FLNB: variants seen among roughly 807,000 people sequenced by gnomAD.
FLNB encodes the protein filamin-B.
A neutral mutation model predicts 250.6 loss-of-function variants in FLNB; 111 were observed. That is an observed-to-expected ratio of 0.44 (90% CI 0.38 to 0.52). The LOEUF (loss-of-function observed/expected upper bound fraction) is 0.52, where lower values mean the gene tolerates loss of function less well. Ranked by LOEUF, FLNB falls within the 20% of genes least tolerant of loss-of-function variation. FLNB has a pLI of 0.00. For missense variants in FLNB, 2,869 were observed against 3,447.8 expected, an observed-to-expected ratio of 0.83 and a Z score of 4.20; for synonymous variants, 1,302 against 1,372.1, an observed-to-expected ratio of 0.95 and a Z score of 1.13.
intron 1 of FLNB, among the ~76,000 whole-genome samples, chr3:58,032,756 T>G (rs1338640095): frequency 6.6e-6 from 1 of 152,120 alleles, no homozygotes; most frequent in African/African-American, 2.4e-5. Flanking sequence ...TGAGCTCAGA[T>G]GGGTTTAATT....
At chr3:58,056,157 A>G (rs1321708012) in intron 1 of FLNB, among the ~76,000 whole-genome samples, 1 of 149,820 alleles carries the variant, frequency 6.7e-6, no homozygotes, top group Non-Finnish European at 1.5e-5. Flanking sequence ...GCTGAAGTGC[A>G]GTGGCATGAT....
intron 1 of FLNB, among the ~76,000 whole-genome samples, chr3:58,050,016 A>T (rs2097159839): frequency 6.8e-6 from 1 of 147,140 alleles, no homozygotes; most frequent in Admixed American, 7.0e-5. Context: ...AGAAATAGAA[A>T]ATGCCTTTTT....
chr3:58,066,882 C>T (rs895819434), intron 1 of FLNB, among the ~76,000 whole-genome samples: 2 of 152,116 alleles, frequency 1.3e-5, no homozygotes, highest in African/African-American at 4.8e-5. Context: ...CCCAAAATAA[C>T]AATAAGGTAT....
At chr3:58,115,776 G>A (rs1343519770) in intron 18 of FLNB, among the ~76,000 whole-genome samples, 1 of 116,072 alleles carries the variant, frequency 8.6e-6, no homozygotes. Flanking sequence ...CAAGCTGCTT[G>A]AAGCCACCCA....
rs199760437 is a variant in FLNB at position 58,124,377 on chromosome 3, C to T, written c.3770C>T (p.Pro1257Leu). ...ATTDFTVDSR[P>L]LTQVGGDHIK... ...ACCGACTTTACAGTTGACTCTCGGC[C>T]GCTGACCCAGGTTGGGGGTGACCAC... The change falls in exon 22 of 46, where the codon CCG becomes CTG. Residue 1257 changes from proline (P) to leucine (L), a missense_variant. Coordinates refer to ENST00000295956, the MANE Select transcript of FLNB (RefSeq NM_001457.4). 28 of 1,614,198 alleles carry T rather than the reference C, an allele frequency of 1.7e-5. No homozygotes were observed. The highest frequency in any genetic ancestry group is 8.0e-5 in the African/African-American group (6 of 75,048).
intron 1 of FLNB, among the ~76,000 whole-genome samples, chr3:58,041,734 TG>T (rs1292566917): frequency 2.6e-5 from 4 of 152,130 alleles, no homozygotes; most frequent in Non-Finnish European, 5.9e-5. Context: ...ACCTGGGTCA[TG>T]TTTTTGAAAT....
chr3:58,111,752 T>G, intron 16 of FLNB, 39 bp from the exon 17 acceptor site: 1 of 1,507,696 alleles, frequency 6.6e-7, no homozygotes, highest in Non-Finnish European at 9.2e-7. Context: ...TGGCTGTTGC[T>G]TCAGGGGCTT....
intron 1 of FLNB, among the ~76,000 whole-genome samples, chr3:58,026,611 T>C (rs978959227): frequency 1.3e-5 from 2 of 152,002 alleles, no homozygotes; most frequent in Admixed American, 6.6e-5. Context: ...ATATGGGAGG[T>C]TGGGGGCCAG....
chr3:58,124,855 A>G (rs892854960), intron 22 of FLNB, among the ~76,000 whole-genome samples: 1 of 151,978 alleles, frequency 6.6e-6, no homozygotes, highest in African/African-American at 2.4e-5. Flanking sequence ...ACCATAAAGA[A>G]AAAAAAGTGC....
intron 19 of FLNB, among the ~76,000 whole-genome samples, chr3:58,120,198 A>G (rs1030040520): frequency 7.9e-5 from 12 of 152,228 alleles, no homozygotes; most frequent in Admixed American, 2.6e-4. Context: ...CCAAAGTGAG[A>G]GCTCACTGTT....
intron 1 of FLNB, among the ~76,000 whole-genome samples, chr3:58,055,365 CATGA>C (rs1269829296): frequency 3.3e-5 from 5 of 152,064 alleles, no homozygotes; most frequent in Non-Finnish European, 7.4e-5. Context: ...CCAGGAGTAA[CATGA>C]ATGATTGTAT....
In FLNB at chr3:58,132,939, C is replaced by G; in HGVS notation, c.4514+8C>G. 6.2e-7 allele frequency: 1 copy of G among 1,610,334 alleles called. No individual in the cohort carries two copies. Among genetic ancestry groups the G allele is most frequent in the African/African-American group, 1.3e-5 (1 of 75,006 alleles). ...TGAAGAGATTCCTCGCAGGTAAGCTCCATCCATCTGCCCATCCATTCCTCC... is the reference window on the plus strand; with the variant it reads ...TGAAGAGATTCCTCGCAGGTAAGCTGCATCCATCTGCCCATCCATTCCTCC... On this transcript the variant is annotated splice_region_variant and intron_variant, in intron 26 of 45. Coordinates refer to ENST00000295956, the MANE Select transcript of FLNB (RefSeq NM_001457.4).
intron 4 of FLNB, among the ~76,000 whole-genome samples, chr3:58,085,275 A>C (rs764750501): frequency 2.3e-4 from 16 of 70,780 alleles, no homozygotes; most frequent in Non-Finnish European, 3.5e-4. Flanking sequence ...CTGCTTTTTA[A>C]AGTAGGAGAC....
chr3:58,056,312 A>G (rs1437018670), intron 1 of FLNB, among the ~76,000 whole-genome samples: 3 of 151,820 alleles, frequency 2.0e-5, no homozygotes, highest in Non-Finnish European at 4.4e-5. Context: ...CATGTTGACC[A>G]GGCTAGTCTC....
At chr3:58,115,120 A>T (rs2097275636) in intron 18 of FLNB, among the ~76,000 whole-genome samples, 1 of 152,234 alleles carries the variant, frequency 6.6e-6, no homozygotes, top group African/African-American at 2.4e-5. Flanking sequence ...ATTAGTAATG[A>T]TAAAACTAAC....
chr3:58,092,512 G>A (rs1309946743), intron 4 of FLNB, among the ~76,000 whole-genome samples: 2 of 152,126 alleles, frequency 1.3e-5, no homozygotes, highest in African/African-American at 4.8e-5. Context: ...CAGGTGTGGT[G>A]GTATGCACCT....
intron 1 of FLNB, among the ~76,000 whole-genome samples, chr3:58,013,133 C>G (rs1357195789): frequency 6.6e-6 from 1 of 152,192 alleles, no homozygotes; most frequent in African/African-American, 2.4e-5. Context: ...TTCCAAAAAC[C>G]TTTCTGACAT....
At chr3:58,144,028 T>G (rs17058903) in intron 32 of FLNB, among the ~76,000 whole-genome samples, 5,049 of 152,278 alleles carry the variant, frequency 0.033, 243 homozygotes, top group African/African-American at 0.1. Context: ...AGCAGCCCTC[T>G]ACAAGGGAAG....
At chr3:58,100,373 A>AAAAAAAAAAAAATATATATATATATATAT in intron 8 of FLNB, among the ~76,000 whole-genome samples, 1 of 104,386 alleles carries the variant, frequency 9.6e-6, no homozygotes, top group African/African-American at 4.6e-5. Context: ...GTAAAAAAAA[A>AAAAAAAAAAAAATATATATATATATATAT]ATATATATAT....
Sources: gnomAD v4.1 joint callset for allele counts (sites outside exome capture counted in the v4.1 genomes callset) on GRCh38, gnomAD v4.1.1 for gene constraint, MANE v1.5 for transcripts, NCBI Gene and HGNC (gene_info 2026-07-23, HGNC 2026-07-21) for gene names.